Variants in C1orf185 observed in about 807,000 individuals in gnomAD.
C1orf185 encodes chromosome 1 open reading frame 185.
C1orf185 carries 13 observed loss-of-function variants against 16.1 expected under a neutral mutation model. The ratio of observed to expected loss-of-function variants is 0.81; its 90% CI spans 0.53 to 1.28. The LOEUF is 1.28. Among genes scored for constraint, C1orf185 ranks in the 50% most tolerant of loss-of-function variants. C1orf185 has a pLI of 0.00. For synonymous variants in C1orf185, 80 were observed against 76.9 expected (o/e 1.04, Z -0.21); for missense variants, 220 against 225.2 (o/e 0.98, Z 0.15).
downstream of C1orf185, among the ~76,000 whole-genome samples, chr1:51,148,876 G>T (rs191162608): frequency 2.6e-3 from 400 of 152,306 alleles, 1 homozygote; most frequent in Non-Finnish European, 3.8e-3. Flanking sequence ...GCAATGAGTT[G>T]AGAATATGCC....
At chr1:51,129,288 G>GAAGA (rs1646266360) in intron 3 of C1orf185, among the ~76,000 whole-genome samples, 4 of 152,128 alleles carry the variant, frequency 2.6e-5, no homozygotes, top group Admixed American at 2.6e-4. Context: ...TTATGAGTGT[G>GAAGA]AGCCGCTGCA....
chr1:51,112,158 G>A (rs1267236496), intron 1 of C1orf185, among the ~76,000 whole-genome samples: 1 of 151,756 alleles, frequency 6.6e-6, no homozygotes, highest in African/African-American at 2.4e-5. Context: ...GCTAGACTGA[G>A]AAGGAAGAAA....
intron 3 of C1orf185, among the ~76,000 whole-genome samples, chr1:51,144,246 G>T (rs914537341): frequency 2.0e-5 from 3 of 152,134 alleles, no homozygotes; most frequent in African/African-American, 7.2e-5. Flanking sequence ...GTCAGAATCT[G>T]CATTTTAACA....
chr1:51,127,862 A>G (rs924935290), intron 3 of C1orf185, among the ~76,000 whole-genome samples: 1 of 144,096 alleles, frequency 6.9e-6, no homozygotes, highest in East Asian at 2.0e-4. Flanking sequence ...TAGTGAACAT[A>G]TATTCTCATT....
chr1:51,118,339 A>G (rs950946040), intron 2 of C1orf185, among the ~76,000 whole-genome samples: 4 of 152,206 alleles, frequency 2.6e-5, no homozygotes, highest in African/African-American at 7.2e-5. Flanking sequence ...ATTAAAACCA[A>G]CTAATTTTCT....
At chr1:51,141,952 A>G (rs1254372818) in intron 3 of C1orf185, among the ~76,000 whole-genome samples, 2 of 152,068 alleles carry the variant, frequency 1.3e-5, no homozygotes, top group Non-Finnish European at 2.9e-5. Context: ...TATTTTTAGT[A>G]GAGACAGGGT....
intron 2 of C1orf185, among the ~76,000 whole-genome samples, chr1:51,115,098 A>C (rs759644675): frequency 6.6e-6 from 1 of 152,114 alleles, no homozygotes; most frequent in East Asian, 1.9e-4. Context: ...TAATCCCAAC[A>C]CTTTGGGAGG....
intron 3 of C1orf185, among the ~76,000 whole-genome samples, chr1:51,127,506 G>A (rs913600767): frequency 6.6e-6 from 1 of 152,066 alleles, no homozygotes; most frequent in Non-Finnish European, 1.5e-5. Context: ...GGCTAGTCTC[G>A]AGCTCCTGAC....
intron 1 of C1orf185, 117 bp from the exon 2 acceptor site, chr1:51,112,347 C>A: frequency 1.3e-6 from 1 of 776,500 alleles, no homozygotes; most frequent in Non-Finnish European, 1.9e-6. Context: ...ATCTCCCAAT[C>A]TCCTGGTTAA....
At chr1:51,108,613 C>T (rs747066245) in intron 1 of C1orf185, among the ~76,000 whole-genome samples, 2 of 152,106 alleles carry the variant, frequency 1.3e-5, no homozygotes, top group Non-Finnish European at 2.9e-5. Context: ...CTGGTAACCA[C>T]CATTTTACTC....
intron 2 of C1orf185, among the ~76,000 whole-genome samples, chr1:51,116,645 T>C (rs1456878632): frequency 6.6e-6 from 1 of 152,094 alleles, no homozygotes; most frequent in Non-Finnish European, 1.5e-5. Flanking sequence ...ACTCACTATA[T>C]TTTAAAGGAC....
chr1:51,105,740 A>G (rs1266854539), intron 1 of C1orf185, among the ~76,000 whole-genome samples: 1 of 152,220 alleles, frequency 6.6e-6, no homozygotes. Context: ...TAGATAGGAT[A>G]CTTAAGAGTG....
chr1:51,134,008 G>C (rs1646304729), intron 3 of C1orf185, among the ~76,000 whole-genome samples: 1 of 152,100 alleles, frequency 6.6e-6, no homozygotes, highest in African/African-American at 2.4e-5. Context: ...CTTGAACCTG[G>C]GAGGCAGAGG....
intron 3 of C1orf185, among the ~76,000 whole-genome samples, chr1:51,133,801 CA>C (rs1200164311): frequency 4.6e-5 from 7 of 152,208 alleles, no homozygotes; most frequent in Admixed American, 4.6e-4. Context: ...ATTACATAAT[CA>C]GAAGTAAAAC....
intron 1 of C1orf185, among the ~76,000 whole-genome samples, chr1:51,111,953 C>T (rs1260966644): frequency 1.3e-5 from 2 of 152,214 alleles, no homozygotes; most frequent in East Asian, 1.9e-4. Context: ...TGAGCCGCCA[C>T]GCCCATCCTC....
At chr1:51,103,115 T>C (rs944692328) in intron 1 of C1orf185, among the ~76,000 whole-genome samples, 3 of 152,098 alleles carry the variant, frequency 2.0e-5, no homozygotes, top group African/African-American at 7.2e-5. Context: ...ATAAAACTTG[T>C]TGAGTCTTGG....
At chr1:51,113,357 CTAATTAT>C (rs139879876) in intron 2 of C1orf185, among the ~76,000 whole-genome samples, 6 of 151,674 alleles carry the variant, frequency 4.0e-5, no homozygotes, top group African/African-American at 1.2e-4. Context: ...TTTGCTGTTT[CTAATTAT>C]TAATTATTAA....
intron 3 of C1orf185, among the ~76,000 whole-genome samples, chr1:51,142,113 T>C (rs2148032143): frequency 6.6e-6 from 1 of 152,296 alleles, no homozygotes. Flanking sequence ...AGTTTTCAAA[T>C]TGGGGAAATT....
At position 51,129,334 on chromosome 1, in the gene C1orf185, C is replaced by T. The variant is rs187620787; in HGVS notation, c.258+10533C>T. Among the ~76,000 whole-genome samples the T allele has an allele frequency of 3.6e-3, 551 of 152,296 alleles. 1 individual carries two copies. The highest frequency in any genetic ancestry group is 4.5e-3 in the Non-Finnish European group (303 of 68,032). ...GCTACCCTTTATAATCACTCCCTCCCTCCCTTTCCCTAGCTCCTGGCAACC... is the reference window on the plus strand; with the variant it reads ...GCTACCCTTTATAATCACTCCCTCCTTCCCTTTCCCTAGCTCCTGGCAACC... On this transcript the variant is annotated intron_variant, in intron 3 of 4. Coordinates refer to ENST00000371759, the MANE Select transcript of C1orf185 (RefSeq NM_001136508.2).
Sources: gnomAD v4.1 joint callset for allele counts (sites outside exome capture counted in the v4.1 genomes callset) on GRCh38, gnomAD v4.1.1 for gene constraint, MANE v1.5 for transcripts, NCBI Gene and HGNC (gene_info 2026-07-23, HGNC 2026-07-21) for gene names.